Variants in CTBP2 observed in about 807,000 individuals in gnomAD.
CTBP2 encodes C-terminal-binding protein 2.
CTBP2 carries 30 observed loss-of-function variants against 80.3 expected under a neutral mutation model. The ratio of observed to expected loss-of-function variants is 0.37; its 90% CI spans 0.28 to 0.51. CTBP2 has a LOEUF of 0.51. Ranked by LOEUF, CTBP2 falls within the 20% of genes least tolerant of loss-of-function variation. CTBP2 has a pLI of 0.93. For missense variants in CTBP2, 1,212 were observed against 1,375.3 expected (o/e 0.88, Z 1.88); for synonymous variants, 594 against 587.4 (o/e 1.01, Z -0.16).
chr10:125,157,374 G>T (rs1861107594), intron 1 of CTBP2, among the ~76,000 whole-genome samples: 1 of 137,774 alleles, frequency 7.3e-6, no homozygotes. Context: ...AATTAGAGAG[G>T]GGGTTGTCAG....
intron 2 of CTBP2, among the ~76,000 whole-genome samples, chr10:125,082,194 T>C (rs899154782): frequency 3.3e-5 from 5 of 152,234 alleles, no homozygotes; most frequent in African/African-American, 1.2e-4. Context: ...AGGCAGCCTG[T>C]CTCTGCAGGC....
intron 1 of CTBP2, among the ~76,000 whole-genome samples, chr10:125,010,423 G>A (rs1290122762): frequency 1.3e-5 from 2 of 152,234 alleles, no homozygotes; most frequent in East Asian, 1.9e-4. Flanking sequence ...TAGGTAGTAT[G>A]TGCTCCCCCA....
intron 2 of CTBP2, among the ~76,000 whole-genome samples, chr10:125,108,935 T>C (rs1851873798): frequency 6.6e-6 from 1 of 152,246 alleles, no homozygotes; most frequent in South Asian, 2.1e-4. Context: ...TAAGGGTAAG[T>C]GTCTTGAGTC....
chr10:125,150,028 G>C (rs1054493214), intron 1 of CTBP2, among the ~76,000 whole-genome samples: 1 of 152,346 alleles, frequency 6.6e-6, no homozygotes, highest in Admixed American at 6.5e-5. Context: ...TTTCACAGGA[G>C]TGGTGCAAAC....
intron 2 of CTBP2, among the ~76,000 whole-genome samples, chr10:125,080,336 A>G (rs1590623397): frequency 6.6e-6 from 1 of 151,798 alleles, no homozygotes; most frequent in African/African-American, 2.4e-5. Context: ...TGTCACCCGT[A>G]CCTCTTACCA....
At chr10:125,004,814 C>T (rs574606996) in intron 1 of CTBP2, among the ~76,000 whole-genome samples, 2 of 152,274 alleles carry the variant, frequency 1.3e-5, no homozygotes, top group African/African-American at 4.8e-5. Flanking sequence ...GTGACATTCC[C>T]GGGATCACTG....
intron 1 of CTBP2, 43 bp from the exon 4 acceptor site, chr10:125,003,535 G>C (rs750916598): frequency 1.5e-5 from 22 of 1,486,088 alleles, no homozygotes; most frequent in Non-Finnish European, 2.0e-5. Context: ...GGGTGGCTGG[G>C]GCCACAGGGT....
chr10:124,994,407 G>A (rs1953168965), intron 5 of CTBP2, 62 bp downstream of exon 7: 1 of 1,528,806 alleles, frequency 6.5e-7, no homozygotes, highest in Non-Finnish European at 9.0e-7. Flanking sequence ...TCCCTCTTGT[G>A]CCCACAAGCA....
upstream of CTBP2, among the ~76,000 whole-genome samples, chr10:125,030,693 A>T (rs572422267): frequency 6.6e-6 from 1 of 152,364 alleles, no homozygotes; most frequent in East Asian, 1.9e-4. Flanking sequence ...CAGTAACATG[A>T]GGGCCATTTG....
chr10:125,080,046 C>T (rs1327643138), intron 2 of CTBP2, among the ~76,000 whole-genome samples: 2 of 151,562 alleles, frequency 1.3e-5, no homozygotes, highest in African/African-American at 4.8e-5. Flanking sequence ...TAAAACGTTC[C>T]TCCAAGTTAA....
At chr10:125,126,611 C>G (rs1855298489) in intron 1 of CTBP2, among the ~76,000 whole-genome samples, 1 of 152,270 alleles carries the variant, frequency 6.6e-6, no homozygotes, top group Non-Finnish European at 1.5e-5. Context: ...GTACTTGTTC[C>G]TTCCCTGTTA....
intron 2 of CTBP2, among the ~76,000 whole-genome samples, chr10:125,055,165 A>G (rs1963623988): frequency 6.6e-6 from 1 of 152,182 alleles, no homozygotes; most frequent in Non-Finnish European, 1.5e-5. Context: ...TTTTTCTTAA[A>G]AGTGGTCCTT....
chr10:125,002,408 T>C (rs1954653792), intron 3 of CTBP2, among the ~76,000 whole-genome samples: 5 of 152,238 alleles, frequency 3.3e-5, no homozygotes, highest in Admixed American at 3.3e-4. Flanking sequence ...TCCCGCCTGC[T>C]GCCTCTGCTT....
chr10:125,022,026 A>G (rs1428720107), intron 1 of CTBP2, among the ~76,000 whole-genome samples: 3 of 152,226 alleles, frequency 2.0e-5, no homozygotes, highest in Admixed American at 6.5e-5. Context: ...CTCTGCAAGA[A>G]AAGAGACGCC....
chr10:124,998,404 G>T (rs1226291581), intron 3 of CTBP2: 1 of 567,148 alleles, frequency 1.8e-6, no homozygotes, highest in Non-Finnish European at 3.2e-6. Context: ...TTTGCTCCAG[G>T]ACGTGGCTCA....
chr10:125,107,607 A>G (rs1449584655), intron 2 of CTBP2, among the ~76,000 whole-genome samples: 1 of 152,222 alleles, frequency 6.6e-6, no homozygotes, highest in Non-Finnish European at 1.5e-5. Flanking sequence ...AGATGACCTC[A>G]ACTAGGTGGC....
intron 3 of CTBP2, among the ~76,000 whole-genome samples, chr10:125,036,311 GCCTGCCTGATT>G (rs1958860359): frequency 6.6e-6 from 1 of 152,152 alleles, no homozygotes; most frequent in South Asian, 2.1e-4. Context: ...CCCTGGAGAG[GCCTGCCTGATT>G]CCAGCCTAGG....
At chr10:125,118,769 G>C (rs1379226330) in intron 1 of CTBP2, among the ~76,000 whole-genome samples, 1 of 152,200 alleles carries the variant, frequency 6.6e-6, no homozygotes, top group Non-Finnish European at 1.5e-5. Context: ...TGGCTCAGAG[G>C]GAAGCCTGGC....
Position 125,026,928 on chromosome 10 carries a change from A to G in CTBP2, c.832T>C (p.Ser278Pro). The G allele has an allele frequency of 6.2e-7, 1 of 1,614,034 alleles. No homozygotes were observed. Reference sequence around the variant, plus strand: ...TTGCCACCAGGACCCTGGAAGGTGGACAGGTCAGCTTCGTAAGTCTCGTAA... The same window carrying G: ...TTGCCACCAGGACCCTGGAAGGTGGGCAGGTCAGCTTCGTAAGTCTCGTAA... The change falls in exon 1 of 9, where the codon TCC becomes CCC. Residue 278 changes from serine (S) to proline (P), a missense_variant. Physicochemically the swap from Ser to Pro is moderately conservative, Grantham distance 74. This residue lies in a region of CTBP2 where 848 missense variants were observed against 782.3 expected (regional missense o/e 1.08). Transcript: ENST00000309035.
Sources: allele counts gnomAD v4.1 joint callset (sites outside exome capture counted in the v4.1 genomes callset), GRCh38; gene constraint gnomAD v4.1.1; regional missense constraint gnomAD v4.1.1; transcripts MANE v1.5; gene names NCBI Gene and HGNC (gene_info 2026-07-23, HGNC 2026-07-21).